ZNF618: variants seen among roughly 807,000 people sequenced by gnomAD.
The protein encoded by ZNF618 is neural precursor cell expressed, developmentally down-regulated 10.
ZNF618 carries 34 observed loss-of-function variants against 103.0 expected under a neutral mutation model. That is an observed-to-expected ratio of 0.33 (90% CI 0.25 to 0.44). ZNF618 has a LOEUF of 0.44. Among genes scored for constraint, ZNF618 ranks in the 20% least tolerant of loss-of-function variants. ZNF618 has a pLI of 1.00. For missense variants in ZNF618, 1,059 were observed against 1,295.4 expected (o/e 0.82, Z 2.80); for synonymous variants, 551 against 542.2 (o/e 1.02, Z -0.23).
rs931218605 is a variant in ZNF618, at chr9:114,042,425, C to T, written c.1247-5468C>T. On this transcript the variant is annotated intron_variant, in intron 13 of 14. Coordinates refer to ENST00000374126, the MANE Select transcript of ZNF618 (RefSeq NM_001318042.2). ...TGGTGGCTCATGCCTGTAATCCCAA[C>T]ACTTTGGGAAGCTAAGGAGGGAGGA... Among the ~76,000 whole-genome samples, 14 of 152,134 alleles carry T rather than the reference C, an allele frequency of 9.2e-5. 1 individual carries two copies. Among genetic ancestry groups the T allele is most frequent in the African/African-American group, 3.4e-4 (14 of 41,426 alleles).
At chr9:113,910,357 C>T (rs1831421542) in intron 1 of ZNF618, among the ~76,000 whole-genome samples, 1 of 152,162 alleles carries the variant, frequency 6.6e-6, no homozygotes, top group African/African-American at 2.4e-5. Context: ...CTGCTCTTCA[C>T]TCTGTAATTA....
intron 2 of ZNF618, among the ~76,000 whole-genome samples, chr9:113,974,418 C>T (rs1838294112): frequency 6.6e-6 from 1 of 152,218 alleles, no homozygotes; most frequent in Non-Finnish European, 1.5e-5. Flanking sequence ...GGCCATTCCT[C>T]TGCGTGAGAT....
intron 10 of ZNF618, among the ~76,000 whole-genome samples, chr9:114,017,546 T>C (rs989894930): frequency 6.6e-6 from 1 of 152,142 alleles, no homozygotes; most frequent in African/African-American, 2.4e-5. Flanking sequence ...TCAGCCTCCC[T>C]CTCTTTCATG....
At chr9:113,906,477 G>A (rs1043810427) in intron 1 of ZNF618, among the ~76,000 whole-genome samples, 2 of 152,242 alleles carry the variant, frequency 1.3e-5, no homozygotes, top group East Asian at 1.9e-4. Flanking sequence ...TCCTTAGCAA[G>A]TGGGGGTGGC....
intron 1 of ZNF618, among the ~76,000 whole-genome samples, chr9:113,900,070 T>C (rs921390524): frequency 1.3e-5 from 2 of 152,170 alleles, no homozygotes; most frequent in Admixed American, 1.3e-4. Flanking sequence ...TATTTTTTTA[T>C]TTTTTGAGAC....
chr9:114,001,277 C>CG (rs149565331), intron 4 of ZNF618, among the ~76,000 whole-genome samples: 46,104 of 150,664 alleles, frequency 0.31, 7,968 homozygotes, highest in East Asian at 0.59. Flanking sequence ...TGGCAAGGGG[C>CG]TGGGGGGGCC....
At chr9:114,032,174 C>T (rs542468127) in intron 11 of ZNF618, among the ~76,000 whole-genome samples, 26 of 152,356 alleles carry the variant, frequency 1.7e-4, no homozygotes, top group Admixed American at 9.8e-4. Flanking sequence ...GATACCCTCC[C>T]TGTCACCAGG....
At chr9:113,958,646 C>T (rs960593402) in intron 1 of ZNF618, among the ~76,000 whole-genome samples, 1 of 152,202 alleles carries the variant, frequency 6.6e-6, no homozygotes, top group African/African-American at 2.4e-5. Flanking sequence ...CCCATTCACA[C>T]GTTTGTGCCC....
In ZNF618 at chr9:114,049,844, C is replaced by A; in HGVS notation, c.2542C>A (p.Pro848Thr). 1 of 1,613,948 alleles carries A rather than the reference C, an allele frequency of 6.2e-7. No individual in the cohort carries two copies. Among genetic ancestry groups the A allele is most frequent in the Non-Finnish European group, 8.5e-7 (1 of 1,179,904 alleles). ...CTGGGCCGAGGAGGCCGACTTCGAG[C>A]CCGCTGCCAAGAAGCCCCGCTCTGC... ...ESWAEEADFE[P>T]AAKKPRSAAV... The change falls in exon 15 of 15, where the codon CCC (proline) becomes ACC (threonine). Residue 848 changes from proline to threonine, a missense_variant. Pro to Thr is a conservative substitution (Grantham distance 38, BLOSUM62 -1). Transcript: ENST00000374126.
At chr9:114,003,488 A>G (rs1841447141) in intron 6 of ZNF618, among the ~76,000 whole-genome samples, 1 of 152,248 alleles carries the variant, frequency 6.6e-6, no homozygotes, top group African/African-American at 2.4e-5. Flanking sequence ...TGAATGGAGA[A>G]GTAAGTCTAG....
chr9:113,919,411 A>G (rs1832434634), intron 1 of ZNF618, among the ~76,000 whole-genome samples: 1 of 152,270 alleles, frequency 6.6e-6, no homozygotes, highest in South Asian at 2.1e-4. Flanking sequence ...ATTAAAACTC[A>G]GCCACATTGG....
intron 1 of ZNF618, among the ~76,000 whole-genome samples, chr9:113,940,425 T>C (rs1255184522): frequency 6.6e-6 from 1 of 152,184 alleles, no homozygotes; most frequent in Non-Finnish European, 1.5e-5. Context: ...GTTCTGTCCA[T>C]TTCTGGAAAG....
chr9:114,003,280 T>C (rs1841426884), intron 6 of ZNF618, among the ~76,000 whole-genome samples: 1 of 152,230 alleles, frequency 6.6e-6, no homozygotes, highest in African/African-American at 2.4e-5. Context: ...CCCAAGCGCC[T>C]GGTAAGTGAG....
At chr9:114,010,444 C>T (rs1269373872) in intron 9 of ZNF618, among the ~76,000 whole-genome samples, 2 of 151,824 alleles carry the variant, frequency 1.3e-5, no homozygotes, top group South Asian at 2.1e-4. Context: ...TGGTGGCTCT[C>T]GCCTGTAATC....
intron 1 of ZNF618, among the ~76,000 whole-genome samples, chr9:113,906,324 G>C (rs1221834228): frequency 6.6e-6 from 1 of 152,158 alleles, no homozygotes; most frequent in Non-Finnish European, 1.5e-5. Flanking sequence ...CTGGGAAGAT[G>C]CCAGAGGTTA....
chr9:114,026,976 G>A (rs1843557427), intron 10 of ZNF618, among the ~76,000 whole-genome samples: 1 of 152,124 alleles, frequency 6.6e-6, no homozygotes, highest in Admixed American at 6.5e-5. Flanking sequence ...CCAGACTCAA[G>A]GCTGGTTCCA....
intron 10 of ZNF618, among the ~76,000 whole-genome samples, chr9:114,027,760 A>G (rs965713509): frequency 6.6e-6 from 1 of 151,942 alleles, no homozygotes. Context: ...GTCCTTCGCT[A>G]GGCAGGTCAG....
chr9:113,945,649 C>T (rs889340970), intron 1 of ZNF618, among the ~76,000 whole-genome samples: 1 of 152,222 alleles, frequency 6.6e-6, no homozygotes, highest in Admixed American at 6.5e-5. Context: ...AGGGCGTCAG[C>T]CCCTGTGGCC....
Position 114,054,138 on chromosome 9 carries a change from CTG to C in ZNF618, c.*3972_*3973del, listed in dbSNP as rs1334656862. ...AAAAAATCTACAAGGCGTGTTTCCA[CTG>C]AAGCTGAACCTCTGCCTTTAGGAGT... is the stretch of plus-strand genomic sequence containing the variant. On this transcript the variant is annotated 3_prime_UTR_variant, in exon 15 of 15. Transcript: ENST00000374126. 1 of 152,660 alleles carries C rather than the reference CTG, an allele frequency of 6.6e-6. No individual in the cohort carries two copies. Among genetic ancestry groups the C allele is most frequent in the African/African-American group, 2.4e-5 (1 of 41,462 alleles). The allele number at this position is 152,660 out of a possible 1,614,324, so 9.5% of individuals were successfully genotyped here.
Sources: gnomAD v4.1 joint callset for allele counts (sites outside exome capture counted in the v4.1 genomes callset) on GRCh38, gnomAD v4.1.1 for gene constraint, MANE v1.5 for transcripts, NCBI Gene and HGNC (gene_info 2026-07-23, HGNC 2026-07-21) for gene names.